The following CRYBG1 variants were observed in gnomAD, a reference collection of about 807,000 sequenced individuals.
CRYBG1 encodes the protein crystallin beta-gamma domain containing 1, also known as beta/gamma crystallin domain-containing protein 1.
CRYBG1 carries 139 observed loss-of-function variants against 189.2 expected under a neutral mutation model. That is an observed-to-expected ratio of 0.73 (90% CI 0.64 to 0.85). The LOEUF (loss-of-function observed/expected upper bound fraction) is 0.85, where lower values mean the gene tolerates loss of function less well. Among genes scored for constraint, CRYBG1 ranks in the 40% least tolerant of loss-of-function variants. The pLI is 0.00. For missense variants in CRYBG1, 2,611 were observed against 2,675.8 expected (o/e 0.98, Z 0.53); for synonymous variants, 1,023 against 1,017.1 (o/e 1.01, Z -0.11).
chr6:106,440,504 C>T (rs1376427052), intron 1 of CRYBG1, among the ~76,000 whole-genome samples: 2 of 152,102 alleles, frequency 1.3e-5, no homozygotes, highest in Non-Finnish European at 1.5e-5. Flanking sequence ...TGATCTCAAG[C>T]GATCCACCTG....
rs768856140 is a variant in CRYBG1 at position 106,520,635 on chromosome 6, A to G, written c.3427A>G (p.Ile1143Val). Residue 1143 changes from isoleucine to valine, a missense_variant, in exon 4 of 22, where the codon ATT (isoleucine) becomes GTT (valine). Coordinates refer to ENST00000633556, the MANE Select transcript of CRYBG1 (RefSeq NM_001371242.2). ...TGCTCCTCACTTTGCCATGCCTCCT[A>G]TTCACGAAGACCATTTAGAAAAGGT... ...SPAPHFAMPP[I>V]HEDHLEKVFD... 2 of 1,614,092 alleles carry G rather than the reference A, an allele frequency of 1.2e-6. No individual in the cohort carries two copies. The highest frequency in any genetic ancestry group is 2.2e-5 in the East Asian group (1 of 44,900).
intron 1 of CRYBG1, among the ~76,000 whole-genome samples, chr6:106,448,914 G>A (rs1325095691): frequency 3.3e-5 from 5 of 152,150 alleles, no homozygotes; most frequent in Non-Finnish European, 5.9e-5. Flanking sequence ...AAGTTACACA[G>A]GAAGGAATTA....
At chr6:106,505,337 G>T (rs368115398) in intron 2 of CRYBG1, among the ~76,000 whole-genome samples, 147 of 152,126 alleles carry the variant, frequency 9.7e-4, no homozygotes, top group African/African-American at 3.3e-3. Context: ...CTCAGGATCT[G>T]CCCACCTTGG....
In CRYBG1 at chr6:106,571,406, TTAAGAC is replaced by T. The variant is rs1775054974; in HGVS notation, c.*2841_*2846del. 1 of 152,458 alleles carries T rather than the reference TTAAGAC, an allele frequency of 6.6e-6. No homozygotes were observed. The highest frequency in any genetic ancestry group is 6.5e-5 in the Admixed American group (1 of 15,296). The allele number at this position is 152,458 out of a possible 1,614,324, so 9.4% of individuals were successfully genotyped here. A position where few individuals can be genotyped will look rare whatever the true frequency, so the allele number is the denominator to read the frequency against. ...ACACTGAAAGTTTTAGTATTGTACA[TTAAGAC>T]GATCAGGCCCAGCAGGGTGGTTCAC... is the stretch of plus-strand genomic sequence containing the variant. On this transcript the variant is annotated 3_prime_UTR_variant, in exon 22 of 22. Transcript: ENST00000633556.
intron 3 of CRYBG1, among the ~76,000 whole-genome samples, chr6:106,515,774 T>G (rs1015206753): frequency 7.0e-6 from 1 of 141,996 alleles, no homozygotes; most frequent in Admixed American, 6.8e-5. Flanking sequence ...TATTTATTTA[T>G]TTATTTATTT....
At chr6:106,394,535 G>A (rs950109384) in intron 1 of CRYBG1, among the ~76,000 whole-genome samples, 1 of 152,166 alleles carries the variant, frequency 6.6e-6, no homozygotes. Context: ...TAAGTAAACC[G>A]AACATGAGGG....
chr6:106,520,228 A>G lies in CRYBG1; in HGVS notation c.3020A>G (p.Glu1007Gly). 1.2e-6 allele frequency: 2 copies of G among 1,614,148 alleles called. No individual in the cohort carries two copies. Among genetic ancestry groups the G allele is most frequent in the Non-Finnish European group, 8.5e-7 (1 of 1,180,032 alleles). ...GTTGCAAGTTGTGCTCCCCCACAAGAGGAAGTACTGGGCAATGAACACTCT... is the reference window on the plus strand; with the variant it reads ...GTTGCAAGTTGTGCTCCCCCACAAGGGGAAGTACTGGGCAATGAACACTCT... The part of the protein sequence containing the change: ...VSVASCAPPQ[E>G]EVLGNEHSHC... The change falls in exon 4 of 22, where the codon GAG becomes GGG. Residue 1007 changes from glutamate to glycine, a missense_variant. Glu to Gly is a moderately conservative substitution (Grantham distance 98). Coordinates refer to ENST00000633556, the MANE Select transcript of CRYBG1 (RefSeq NM_001371242.2).
At chr6:106,440,950 T>C (rs1252946851) in intron 1 of CRYBG1, among the ~76,000 whole-genome samples, 2 of 152,262 alleles carry the variant, frequency 1.3e-5, no homozygotes, top group African/African-American at 4.8e-5. Flanking sequence ...CTGTGATTTA[T>C]AACGATGTCC....
intron 3 of CRYBG1, among the ~76,000 whole-genome samples, chr6:106,514,546 G>T (rs1287643909): frequency 6.6e-6 from 1 of 152,186 alleles, no homozygotes; most frequent in African/African-American, 2.4e-5. Context: ...TAGCATCAGA[G>T]AAATGAGCTG....
intron 2 of CRYBG1, among the ~76,000 whole-genome samples, chr6:106,478,728 T>G (rs529653719): frequency 6.6e-6 from 1 of 152,318 alleles, no homozygotes; most frequent in Admixed American, 6.5e-5. Context: ...CAAGCAAAGC[T>G]TCATCTGTAT....
intron 4 of CRYBG1, among the ~76,000 whole-genome samples, chr6:106,523,954 A>T (rs2114546065): frequency 1.3e-5 from 2 of 151,784 alleles, no homozygotes; most frequent in South Asian, 4.2e-4. Flanking sequence ...CTGGTCTCGA[A>T]CTCCTGACCT....
intron 7 of CRYBG1, among the ~76,000 whole-genome samples, chr6:106,527,979 A>G (rs931392278): frequency 6.6e-6 from 1 of 152,194 alleles, no homozygotes; most frequent in Non-Finnish European, 1.5e-5. Context: ...TTGTTATTTG[A>G]TGAGGAAAGT....
At chr6:106,393,729 G>T (rs1477748075) in intron 1 of CRYBG1, among the ~76,000 whole-genome samples, 1 of 147,646 alleles carries the variant, frequency 6.8e-6, no homozygotes. Context: ...AGGTTGGAAT[G>T]CAGTGGCACG....
At chr6:106,420,081 A>G (rs1163876646) in intron 1 of CRYBG1, among the ~76,000 whole-genome samples, 2 of 152,188 alleles carry the variant, frequency 1.3e-5, no homozygotes, top group Non-Finnish European at 2.9e-5. Context: ...GCAATGCAGT[A>G]ATTTTGTACA....
At chr6:106,490,675 T>A (rs1255103618) in intron 2 of CRYBG1, among the ~76,000 whole-genome samples, 1 of 152,182 alleles carries the variant, frequency 6.6e-6, no homozygotes, top group African/African-American at 2.4e-5. Context: ...TAGCCCCACC[T>A]CTGTGCATTG....
chr6:106,519,698 T>C lies in CRYBG1; in HGVS notation c.2490T>C (p.Asn830=). ...ACAGCAAAAGCCTTGTACTTGAAAA[T>C]GTAACCGATACAGCACAAGACATCC... is the stretch of plus-strand genomic sequence containing the variant. ...AADSKSLVLE[N]VTDTAQDIPT... Residue 830 remains asparagine (N), a synonymous_variant, in exon 4 of 22, where the codon AAT becomes AAC. Transcript: ENST00000633556. 6.2e-7 allele frequency: 1 copy of C among 1,614,082 alleles called. No homozygotes were observed. The highest frequency in any genetic ancestry group is 8.5e-7 in the Non-Finnish European group (1 of 1,180,022).
In CRYBG1 at chr6:106,558,641, G is replaced by A. The variant is rs757051165; in HGVS notation, c.5855+16G>A. 5 of 1,592,268 alleles carry A rather than the reference G, an allele frequency of 3.1e-6. No individual in the cohort carries two copies. In the South Asian group the frequency reaches 5.7e-5, roughly 18 times the overall value. ...TTGGTGGCATGTGAGTTACCTACTT[G>A]TTGACTCAATAAAATAGATCATTTT... On this transcript the variant is annotated intron_variant, in intron 18 of 21. Transcript: ENST00000633556.
chr6:106,491,107 T>C (rs987436247), intron 2 of CRYBG1, among the ~76,000 whole-genome samples: 2 of 152,234 alleles, frequency 1.3e-5, no homozygotes, highest in Admixed American at 1.3e-4. Flanking sequence ...TTACCCTTTT[T>C]TCAAACACTT....
At chr6:106,365,157 G>T (rs1771959908) in intron 1 of CRYBG1, among the ~76,000 whole-genome samples, 1 of 152,058 alleles carries the variant, frequency 6.6e-6, no homozygotes, top group South Asian at 2.1e-4. Context: ...GGCTGCATGT[G>T]GTGGCCCACA....
Sources: gnomAD v4.1 joint callset for allele counts (sites outside exome capture counted in the v4.1 genomes callset) on GRCh38, gnomAD v4.1.1 for gene constraint, MANE v1.5 for transcripts, NCBI Gene and HGNC (gene_info 2026-07-23, HGNC 2026-07-21) for gene names.